The following PNPT1 variants were observed in gnomAD, a reference collection of about 807,000 sequenced individuals.
PNPT1 encodes the protein polyribonucleotide nucleotidyltransferase 1, mitochondrial.
PNPT1 carries 53 observed loss-of-function variants against 119.5 expected under a neutral mutation model. That is an observed-to-expected ratio of 0.44 (90% confidence interval 0.36 to 0.56). The LOEUF (loss-of-function observed/expected upper bound fraction) is 0.56. Among genes scored for constraint, PNPT1 ranks in the 20% least tolerant of loss-of-function variants. The probability of loss-of-function intolerance (pLI) is 0.00; values close to 1 mark genes in which losing one functional copy is unlikely to be tolerated. For missense variants in PNPT1, 948 were observed against 938.5 expected (o/e 1.01, Z -0.13); for synonymous variants, 357 against 322.1 (o/e 1.11, Z -1.16).
intron 18 of PNPT1, among the ~76,000 whole-genome samples, chr2:55,650,765 G>T (rs1418417661): frequency 1.3e-5 from 2 of 150,096 alleles, no homozygotes; most frequent in Non-Finnish European, 3.0e-5. Flanking sequence ...CGCCCAGTCT[G>T]AGAAGTGAGG....
Position 55,684,958 on chromosome 2 carries a change from T to C in PNPT1, c.388A>G (p.Thr130Ala). The change falls in exon 4 of 28, where the codon ACA (threonine) becomes GCA (alanine). Residue 130 changes from threonine to alanine, a missense_variant. Physicochemically the swap from Thr to Ala is moderately conservative, Grantham distance 58. Transcript: ENST00000447944. ...EIGTSDKEIL[T>A]SRIIDRSIRP... ...AATATCTTACCTATTATTCGACTTG[T>C]TAGAATTTCTTTATCAGAAGTACCA... The C allele has an allele frequency of 7.0e-6, 11 of 1,582,424 alleles. No homozygotes were observed. Among genetic ancestry groups the C allele is most frequent in the Non-Finnish European group, 7.8e-6 (9 of 1,158,448 alleles).
chr2:55,670,086 T>C (rs1278246928), intron 11 of PNPT1, among the ~76,000 whole-genome samples: 1 of 151,466 alleles, frequency 6.6e-6, no homozygotes, highest in African/African-American at 2.4e-5. Flanking sequence ...TAAATATTCA[T>C]GTGAGAGTAT....
chr2:55,683,612 CAAAA>C (rs397943177), intron 5 of PNPT1, among the ~76,000 whole-genome samples, 169 bp downstream of exon 5: 1 of 74,164 alleles, frequency 1.3e-5, no homozygotes, highest in African/African-American at 5.3e-5. Context: ...GACTCTGTCT[CAAAA>C]AAAAAAAAAA....
At chr2:55,684,640 G>C (rs762770279) in intron 4 of PNPT1, among the ~76,000 whole-genome samples, 4 of 152,226 alleles carry the variant, frequency 2.6e-5, no homozygotes, top group Non-Finnish European at 5.9e-5. Context: ...ACAAAGTAGA[G>C]GCATGGGCCA....
chr2:55,673,901 TTAG>T (rs1696988110), intron 8 of PNPT1, among the ~76,000 whole-genome samples: 1 of 151,816 alleles, frequency 6.6e-6, no homozygotes, highest in Non-Finnish European at 1.5e-5. Context: ...TTTTGTAGTT[TTAG>T]TAGGGACGGG....
chr2:55,658,448 G>C (rs1046845307), intron 15 of PNPT1, among the ~76,000 whole-genome samples: 1 of 152,042 alleles, frequency 6.6e-6, no homozygotes, highest in Non-Finnish European at 1.5e-5. Flanking sequence ...TTCCTGACTT[G>C]GGTGGTGGTT....
At chr2:55,680,629 A>G in intron 7 of PNPT1, 83 bp downstream of exon 7, 1 of 1,254,418 alleles carries the variant, frequency 8.0e-7, no homozygotes, top group East Asian at 2.3e-5. Flanking sequence ...TCAGAGCCAT[A>G]TGCCATTGCT....
intron 15 of PNPT1, among the ~76,000 whole-genome samples, chr2:55,657,656 G>A (rs984991356): frequency 6.6e-6 from 1 of 151,526 alleles, no homozygotes. Context: ...AAAGTGCTGG[G>A]ATTACAGGCA....
intron 7 of PNPT1, 31 bp downstream of exon 7, chr2:55,680,679 CAT>C (rs776138298): frequency 6.3e-5 from 99 of 1,581,804 alleles, no homozygotes; most frequent in Non-Finnish European, 8.3e-5. Flanking sequence ...AAAAAATACA[CAT>C]ATGATTTCTT....
chr2:55,638,012 A>T (rs868548010), intron 26 of PNPT1, among the ~76,000 whole-genome samples: 8 of 151,588 alleles, frequency 5.3e-5, no homozygotes, highest in Non-Finnish European at 1.0e-4. Context: ...AAAAAAAAAA[A>T]AAAAATCAGC....
At chr2:55,671,398 G>C (rs746448276) in intron 10 of PNPT1, 22 bp from the exon 11 acceptor site, 1 of 1,426,956 alleles carries the variant, frequency 7.0e-7, no homozygotes, top group African/African-American at 1.5e-5. Context: ...TTGAGGTTCA[G>C]TTATTACATA....
At chr2:55,681,002 T>A in intron 5 of PNPT1, 84 bp from the exon 6 acceptor site, 2 of 1,072,690 alleles carry the variant, frequency 1.9e-6, no homozygotes, top group Non-Finnish European at 2.8e-6. Flanking sequence ...ACTATATGGC[T>A]AAAAGCAGGG....
At chr2:55,687,594 G>A (rs1210782459) in intron 2 of PNPT1, 51 bp downstream of exon 2, 2 of 1,340,092 alleles carry the variant, frequency 1.5e-6, no homozygotes, top group Non-Finnish European at 2.1e-6. Context: ...CATTTAGTAT[G>A]AGTCTCCGTA....
intron 18 of PNPT1, among the ~76,000 whole-genome samples, chr2:55,650,942 G>A (rs1410240067): frequency 6.7e-6 from 1 of 149,736 alleles, no homozygotes; most frequent in Non-Finnish European, 1.5e-5. Flanking sequence ...CCGGGAGGGA[G>A]GTGGGGGGAT....
intron 8 of PNPT1, among the ~76,000 whole-genome samples, chr2:55,679,180 T>C (rs956111230): frequency 1.3e-5 from 2 of 152,280 alleles, no homozygotes; most frequent in Admixed American, 6.5e-5. Flanking sequence ...AAATGGCCCA[T>C]GGTCAATGCA....
In PNPT1 at chr2:55,667,898, T is replaced by G. The variant is rs2104110066; in HGVS notation, c.1037A>C (p.Glu346Ala). The G allele has an allele frequency of 1.3e-6, 2 of 1,585,270 alleles. No individual in the cohort carries two copies. Among genetic ancestry groups the G allele is most frequent in the South Asian group, 2.3e-5 (2 of 85,526 alleles). The change falls in exon 12 of 28, where the codon GAA becomes GCA. Residue 346 changes from glutamate (E) to alanine (A), a missense_variant. Transcript: ENST00000447944. Reference sequence around the variant, plus strand: ...ATTCAAAACAATACTTCTAAAAACTTCCTTTGCAACAACATTGAAGGATTC... The same window carrying G: ...ATTCAAAACAATACTTCTAAAAACTGCCTTTGCAACAACATTGAAGGATTC... ...IIESFNVVAK[E>A]VFRSIVLNEY...
intron 12 of PNPT1, among the ~76,000 whole-genome samples, chr2:55,667,324 G>A (rs1331651638): frequency 6.6e-6 from 1 of 152,200 alleles, no homozygotes; most frequent in Non-Finnish European, 1.5e-5. Context: ...GCCGGGCGCG[G>A]TGGCTCATGC....
In PNPT1 at chr2:55,662,023, G is replaced by C. The variant is rs1696594476; in HGVS notation, c.1180C>G (p.Leu394Val). The stretch of plus-strand genomic sequence containing the variant: ...AATGAATCAAATGTAACGGTACAAA[G>C]CACCTAAAAAAGAAAAAGAATTCCT... ...ALFQRGQTQV[L>V]CTVTFDSLES... is the part of the protein sequence containing the mutation. The change falls in exon 14 of 28, where the codon CTT becomes GTT. Residue 394 changes from leucine (L) to valine (V), a missense_variant. Physicochemically the swap from Leu to Val is conservative, Grantham distance 32 (BLOSUM62 1). Transcript: ENST00000447944. 1.9e-6 allele frequency: 3 copies of C among 1,562,554 alleles called. No individual in the cohort carries two copies. Among genetic ancestry groups the C allele is most frequent in the South Asian group, 1.2e-5 (1 of 81,326 alleles).
intron 25 of PNPT1, among the ~76,000 whole-genome samples, chr2:55,641,248 GTTC>G (rs2104021363): frequency 6.8e-6 from 1 of 146,754 alleles, no homozygotes; most frequent in South Asian, 2.2e-4. Context: ...TAGAATATAT[GTTC>G]TTCTGTATTT....
Sources: allele counts gnomAD v4.1 joint callset (sites outside exome capture counted in the v4.1 genomes callset), GRCh38; gene constraint gnomAD v4.1.1; transcripts MANE v1.5; gene names NCBI Gene and HGNC (gene_info 2026-07-23, HGNC 2026-07-21).